The following FAM227A variants were observed in gnomAD, a reference collection of about 807,000 sequenced individuals.
FAM227A encodes the protein family with sequence similarity 227 member A, also known as protein FAM227A.
FAM227A carries 80 observed loss-of-function variants against 74.7 expected under a neutral mutation model. That is an observed-to-expected ratio of 1.07 (90% CI 0.89 to 1.29). The LOEUF (loss-of-function observed/expected upper bound fraction) is 1.29, where lower values mean the gene tolerates loss of function less well. Ranked by LOEUF, FAM227A falls within the 50% of genes most tolerant of loss-of-function variation. The pLI, the probability that FAM227A is intolerant of heterozygous loss-of-function variation, is 0.00. For synonymous variants in FAM227A, 237 were observed against 241.8 expected (o/e 0.98, Z 0.19); for missense variants, 654 against 683.4 (o/e 0.96, Z 0.48).
At chr22:38,612,200 A>AAAT (rs2091427208) in intron 11 of FAM227A, among the ~76,000 whole-genome samples, 1 of 152,224 alleles carries the variant, frequency 6.6e-6, no homozygotes, top group Non-Finnish European at 1.5e-5. Context: ...TGATCTTTAA[A>AAAT]AAATATAAAT....
rs548332376 is a variant in FAM227A, at chr22:38,608,454, G to A, written c.1039-978C>T. ...CAGGGATTCTTTTTTTTTTTGAGAC[G>A]GAATCTTGCTCCGTTGCCTAGGCTG... On this transcript the variant is annotated intron_variant, in intron 11 of 16. Coordinates refer to ENST00000535113, the MANE Select transcript of FAM227A (RefSeq NM_001013647.2). Among the ~76,000 whole-genome samples the A allele has an allele frequency of 4.6e-5, 7 of 151,596 alleles. 1 individual carries two copies. The highest frequency in any genetic ancestry group is 1.9e-4 in the East Asian group (1 of 5,168).
intron 11 of FAM227A, 86 bp downstream of exon 11, chr22:38,620,126 G>T: frequency 1.1e-6 from 1 of 910,388 alleles, no homozygotes; most frequent in Non-Finnish European, 1.7e-6. Context: ...GCAACTAACC[G>T]GAGGCCACTG....
At chr22:38,594,637 T>C (rs1328866915) in intron 15 of FAM227A, among the ~76,000 whole-genome samples, 3 of 152,172 alleles carry the variant, frequency 2.0e-5, no homozygotes, top group African/African-American at 7.2e-5. Flanking sequence ...TTTGTGAATG[T>C]GTGTGGTCTG....
chr22:38,654,786 A>T (rs897505798), intron 1 of FAM227A, among the ~76,000 whole-genome samples: 1 of 150,512 alleles, frequency 6.6e-6, no homozygotes, highest in Admixed American at 6.6e-5. Flanking sequence ...AAAAAAAAAA[A>T]AAAAAAAAAA....
At chr22:38,634,221 C>CAAAA (rs34039010) in intron 6 of FAM227A, among the ~76,000 whole-genome samples, 23 of 62,050 alleles carry the variant, frequency 3.7e-4, no homozygotes, top group Non-Finnish European at 6.0e-4. Context: ...GACTCTGTCT[C>CAAAA]AAAAAAAAAA....
In FAM227A at chr22:38,586,037, ATT is replaced by A; in HGVS notation, c.*86_*87del. The A allele has an allele frequency of 6.5e-7, 1 of 1,546,470 alleles. No homozygotes were observed. Among genetic ancestry groups the A allele is most frequent in the South Asian group, 1.2e-5 (1 of 83,218 alleles). ...ATTCCTATTTCTGTCTTTGGCCACA[ATT>A]TTCTTATTTTCTTGTTCCACTCCAC... On this transcript the variant is annotated 3_prime_UTR_variant, in exon 17 of 17. Coordinates refer to ENST00000535113, the MANE Select transcript of FAM227A (RefSeq NM_001013647.2).
Position 38,655,598 on chromosome 22 carries a change from G to A in FAM227A, c.-95+522C>T, listed in dbSNP as rs944183886. Among the ~76,000 whole-genome samples, 7 of 152,042 alleles carry A rather than the reference G, an allele frequency of 4.6e-5. No homozygotes were observed. The South Asian group carries it at 1.2e-3, about 27-fold the overall frequency. On this transcript the variant is annotated intron_variant, in intron 1 of 16. Coordinates refer to ENST00000535113, the MANE Select transcript of FAM227A (RefSeq NM_001013647.2). ...TATATCTTGAAATAGTAATGTTTTGGACATATGGAGTTTAAAACATTACTC... is the reference window on the plus strand; with the variant it reads ...TATATCTTGAAATAGTAATGTTTTGAACATATGGAGTTTAAAACATTACTC...
intron 6 of FAM227A, among the ~76,000 whole-genome samples, chr22:38,636,022 AAAG>A (rs2091997372): frequency 6.6e-6 from 1 of 151,416 alleles, no homozygotes; most frequent in Non-Finnish European, 1.5e-5. Context: ...AGAAGGAAAG[AAAG>A]AAGAGAGAAA....
chr22:38,642,508 G>A (rs1001598838), intron 3 of FAM227A, among the ~76,000 whole-genome samples: 8 of 152,140 alleles, frequency 5.3e-5, no homozygotes, highest in African/African-American at 1.9e-4. Context: ...ATCCATGAAG[G>A]AAATGATAAG....
At chr22:38,590,456 G>A (rs752139169) in intron 16 of FAM227A, among the ~76,000 whole-genome samples, 6 of 152,170 alleles carry the variant, frequency 3.9e-5, no homozygotes, top group Admixed American at 2.0e-4. Flanking sequence ...GGCAGAGGCA[G>A]CTTGAAAAAG....
chr22:38,608,932 A>G (rs1475861850), intron 11 of FAM227A, among the ~76,000 whole-genome samples: 1 of 150,410 alleles, frequency 6.6e-6, no homozygotes, highest in African/African-American at 2.5e-5. Flanking sequence ...AGTAGCTGGG[A>G]TTACAGGTGT....
At chr22:38,638,629 G>A (rs2092051229) in intron 5 of FAM227A, 117 bp downstream of exon 5, 5 of 754,970 alleles carry the variant, frequency 6.6e-6, no homozygotes, top group Admixed American at 4.5e-5. Context: ...GGAGCTCTGC[G>A]ATTTTTCCTT....
intron 11 of FAM227A, among the ~76,000 whole-genome samples, chr22:38,617,096 T>C (rs1487322837): frequency 6.6e-6 from 1 of 151,964 alleles, no homozygotes; most frequent in Admixed American, 6.6e-5. Flanking sequence ...AATCTGGGCA[T>C]GCTAGGGCAG....
Position 38,582,593 on chromosome 22 carries a change from A to G in FAM227A, c.*3532T>C, listed in dbSNP as rs1029823619. 1 of 751,840 alleles carries G rather than the reference A, an allele frequency of 1.3e-6. No homozygotes were observed. The highest frequency in any genetic ancestry group is 2.1e-6 in the Non-Finnish European group (1 of 472,878). The allele number at this position is 751,840 out of a possible 1,614,324, so 46.6% of individuals were successfully genotyped here. On this transcript the variant is annotated 3_prime_UTR_variant, in exon 17 of 17. Coordinates refer to ENST00000535113, the MANE Select transcript of FAM227A (RefSeq NM_001013647.2). ...AGAGACAGGTTTCTTCATATTTAAC[A>G]TCCTGAGAGGCTACAACTCTGAGTC...
intron 6 of FAM227A, among the ~76,000 whole-genome samples, chr22:38,636,161 T>G (rs139376984): frequency 6.6e-6 from 1 of 152,106 alleles, no homozygotes; most frequent in Admixed American, 6.6e-5. Flanking sequence ...TTGTAGTGAT[T>G]GGCAACAGAA....
chr22:38,635,300 GGTGT>G, intron 6 of FAM227A, among the ~76,000 whole-genome samples: 1 of 151,732 alleles, frequency 6.6e-6, no homozygotes, highest in Non-Finnish European at 1.5e-5. Flanking sequence ...AGAGAGATGG[GGTGT>G]GGCTCAAAGC....
At chr22:38,590,426 T>TG (rs2090907491) in intron 16 of FAM227A, among the ~76,000 whole-genome samples, 1 of 152,168 alleles carries the variant, frequency 6.6e-6, no homozygotes, top group African/African-American at 2.4e-5. Flanking sequence ...GAGACAGACT[T>TG]GGGCTGTCCA....
In FAM227A at chr22:38,628,233, C is replaced by A. The variant is rs2091849194; in HGVS notation, c.726+5G>T. The A allele has an allele frequency of 4.6e-6, 7 of 1,515,198 alleles. No homozygotes were observed. Among genetic ancestry groups the A allele is most frequent in the African/African-American group, 1.4e-5 (1 of 72,184 alleles). 93.9% of individuals were successfully genotyped at this position (1,515,198 alleles called of 1,614,324 possible). A position where few individuals can be genotyped will look rare whatever the true frequency, so the allele number is the denominator to read the frequency against. On this transcript the variant is annotated splice_donor_5th_base_variant and intron_variant, in intron 8 of 16. Coordinates refer to ENST00000535113, the MANE Select transcript of FAM227A (RefSeq NM_001013647.2). ...CTTTTTTTCTAGATAGTGGCTGATG[C>A]TCACTTTTAAGAGCGCCTCTTCAGA...
rs2091800776 is a variant in FAM227A at position 38,626,385 on chromosome 22, T to C, written c.727-82A>G. On this transcript the variant is annotated intron_variant, in intron 8 of 16. Transcript: ENST00000535113. ...ATTTGGGGATGAGGAAGGACTTTCT[T>C]TTTTTATATATAGTTTTTGTTGTTG... 3 of 1,449,128 alleles carry C rather than the reference T, an allele frequency of 2.1e-6. No individual in the cohort carries two copies. In the African/African-American group the frequency reaches 4.3e-5, roughly 21 times the overall value. The allele number at this position is 1,449,128 out of a possible 1,614,324, so 89.8% of individuals were successfully genotyped here. A position where few individuals can be genotyped will look rare whatever the true frequency, so the allele number is the denominator to read the frequency against.
Sources: gnomAD v4.1 joint callset for allele counts (sites outside exome capture counted in the v4.1 genomes callset) on GRCh38, gnomAD v4.1.1 for gene constraint, MANE v1.5 for transcripts, NCBI Gene and HGNC (gene_info 2026-07-23, HGNC 2026-07-21) for gene names.